The following RANBP2 variants were observed in gnomAD, a reference collection of about 807,000 sequenced individuals.
RANBP2 encodes E3 SUMO-protein ligase RanBP2.
RANBP2 carries 57 observed loss-of-function variants against 303.6 expected under a neutral mutation model. The observed-to-expected ratio is 0.19, with a 90% CI of 0.15 to 0.23. The LOEUF is 0.23. Among genes scored for constraint, RANBP2 ranks in the 10% least tolerant of loss-of-function variants. The probability of loss-of-function intolerance (pLI) is 1.00; values close to 1 mark genes in which losing one functional copy is unlikely to be tolerated. For missense variants in RANBP2, 3,138 were observed against 3,780.8 expected, an observed-to-expected ratio of 0.83 and a Z score of 4.46; for synonymous variants, 1,167 against 1,301.5, an observed-to-expected ratio of 0.90 and a Z score of 2.23.
At position 108,764,263 on chromosome 2, in the gene RANBP2, A is replaced by G. The variant is rs1286820377; in HGVS notation, c.3724A>G (p.Ile1242Val). ...AATGAGACGAGAGCAAGTATTGAAA[A>G]TCTGTGCAAATCATTACATCAGTCC... The part of the protein sequence containing the change: ...LLMRREQVLK[I>V]CANHYISPDM... The change falls in exon 20 of 29, where the codon ATC (isoleucine) becomes GTC (valine). Residue 1242 changes from isoleucine (I) to valine (V), a missense_variant. Physicochemically the swap from Ile to Val is conservative, Grantham distance 29 (BLOSUM62 3). Coordinates refer to ENST00000283195, the MANE Select transcript of RANBP2 (RefSeq NM_006267.5). 6.2e-7 allele frequency: 1 copy of G among 1,614,028 alleles called. No homozygotes were observed. The highest frequency in any genetic ancestry group is 1.6e-4 in the Middle Eastern group (1 of 6,062).
chr2:108,811,320 A>G, the RANBP2 span, among the ~76,000 whole-genome samples: 1 of 138,574 alleles, frequency 7.2e-6, no homozygotes, highest in Admixed American at 8.1e-5. Context: ...GGCTTACTAC[A>G]TGTAGCCTTA....
the RANBP2 span, among the ~76,000 whole-genome samples, chr2:109,726,405 T>G: frequency 1.3e-5 from 2 of 151,392 alleles, no homozygotes; most frequent in Non-Finnish European, 2.9e-5. Flanking sequence ...CCAGATCCTA[T>G]CTCAATAAAA....
chr2:108,817,211 G>A, the RANBP2 span, among the ~76,000 whole-genome samples: 1 of 152,134 alleles, frequency 6.6e-6, no homozygotes, highest in Non-Finnish European at 1.5e-5. Flanking sequence ...GGATTCAGAA[G>A]AGTAGGTCAG....
the RANBP2 span, among the ~76,000 whole-genome samples, chr2:109,581,018 A>G: frequency 6.6e-6 from 1 of 152,236 alleles, no homozygotes; most frequent in Non-Finnish European, 1.5e-5. Flanking sequence ...GTCCCTGGCT[A>G]AAGAATAATA....
At chr2:109,118,649 C>T in the RANBP2 span, among the ~76,000 whole-genome samples, 1 of 152,150 alleles carries the variant, frequency 6.6e-6, no homozygotes, top group African/African-American at 2.4e-5. Flanking sequence ...CTAATGCCCT[C>T]TTGTGAGGAG....
At chr2:108,983,881 T>A in the RANBP2 span, among the ~76,000 whole-genome samples, 1 of 152,092 alleles carries the variant, frequency 6.6e-6, no homozygotes, top group Non-Finnish European at 1.5e-5. Flanking sequence ...CCCCACTCCA[T>A]CTCACACCCG....
the RANBP2 span, among the ~76,000 whole-genome samples, chr2:109,684,327 C>T: frequency 7.8e-4 from 115 of 148,382 alleles, 1 homozygote; most frequent in African/African-American, 2.8e-3. Context: ...CTGCAACCTC[C>T]GCCTCCCAGG....
the RANBP2 span, among the ~76,000 whole-genome samples, chr2:109,069,055 A>G: frequency 1.3e-5 from 2 of 152,214 alleles, no homozygotes; most frequent in Admixed American, 6.5e-5. Flanking sequence ...TGGCCTTTAA[A>G]ATACATTGCA....
In RANBP2 at chr2:108,758,669, G is replaced by C; in HGVS notation, c.2602+121G>C. 2.6e-6 allele frequency: 4 copies of C among 1,527,264 alleles called. No individual in the cohort carries two copies. The East Asian group carries it at 9.0e-5, about 35-fold the overall frequency. 94.6% of individuals were successfully genotyped at this position (1,527,264 alleles called of 1,614,324 possible). The stretch of plus-strand genomic sequence containing the variant: ...TTTGTTAATATACATGTCAACGTCT[G>C]TTTATATGTGACTTCAAAAGCTGTA... On this transcript the variant is annotated intron_variant, in intron 18 of 28. Transcript: ENST00000283195.
the RANBP2 span, among the ~76,000 whole-genome samples, chr2:109,426,018 C>G: frequency 6.6e-6 from 1 of 152,200 alleles, no homozygotes. Flanking sequence ...CTGCCTCAGC[C>G]TTCCCGGTAG....
At chr2:109,286,648 T>C in the RANBP2 span, among the ~76,000 whole-genome samples, 1 of 152,212 alleles carries the variant, frequency 6.6e-6, no homozygotes, top group Admixed American at 6.5e-5. Flanking sequence ...CCAGGAGCTC[T>C]GAAGCAGGAA....
chr2:108,791,425 C>G, the RANBP2 span: 4 of 465,664 alleles, frequency 8.6e-6, no homozygotes, highest in South Asian at 7.0e-5. Flanking sequence ...TAGAATATAC[C>G]ACAGGTAGGT....
chr2:108,763,618 C>T lies in RANBP2; in HGVS notation c.3079C>T (p.Gln1027Ter). 6.2e-7 allele frequency: 1 copy of T among 1,614,162 alleles called. No homozygotes were observed. The highest frequency in any genetic ancestry group is 2.2e-5 in the East Asian group (1 of 44,888). The change falls in exon 20 of 29, where the codon CAG becomes TAG. Residue 1027 changes from glutamine to a stop codon, truncating the protein, a stop_gained. Transcript: ENST00000283195. LOFTEE classifies it high-confidence loss of function. The part of the protein sequence containing the change: ...PSLPTQAHTT[Q>*]PTPFKFNSNF... Reference sequence around the variant, plus strand: ...TTTGCCAACACAAGCACACACAACACAGCCAACTCCTTTTAAATTTAACTC... The same window carrying T: ...TTTGCCAACACAAGCACACACAACATAGCCAACTCCTTTTAAATTTAACTC...
At chr2:109,492,929 GGAGAA>G in the RANBP2 span, among the ~76,000 whole-genome samples, 7 of 152,128 alleles carry the variant, frequency 4.6e-5, no homozygotes, top group South Asian at 1.4e-3. Context: ...ACACCCACAG[GGAGAA>G]GTGCCTTCCC....
chr2:109,070,549 T>G, the RANBP2 span, among the ~76,000 whole-genome samples: 1 of 152,070 alleles, frequency 6.6e-6, no homozygotes, highest in Non-Finnish European at 1.5e-5. Flanking sequence ...GTAGTTCACA[T>G]GAGATCTGCC....
chr2:109,429,088 G>A, the RANBP2 span, among the ~76,000 whole-genome samples: 16 of 152,296 alleles, frequency 1.1e-4, no homozygotes, highest in African/African-American at 3.6e-4. Context: ...AGGGGGCAGC[G>A]GCAGAGACCC....
At chr2:109,444,794 A>G in the RANBP2 span, among the ~76,000 whole-genome samples, 2 of 152,208 alleles carry the variant, frequency 1.3e-5, no homozygotes, top group Admixed American at 6.5e-5. Flanking sequence ...TAAGATTTCA[A>G]AACACAAAAG....
At chr2:109,339,414 C>T in the RANBP2 span, among the ~76,000 whole-genome samples, 1 of 152,174 alleles carries the variant, frequency 6.6e-6, no homozygotes, top group Non-Finnish European at 1.5e-5. Context: ...TCTCTTCCCT[C>T]CTGTCCTCTT....
chr2:109,491,559 A>G, the RANBP2 span, among the ~76,000 whole-genome samples: 1 of 152,156 alleles, frequency 6.6e-6, no homozygotes, highest in South Asian at 2.1e-4. Context: ...GGTTGAGGCA[A>G]CATGGCCCAC....
Sources: gnomAD v4.1 joint callset for allele counts (sites outside exome capture counted in the v4.1 genomes callset) on GRCh38, gnomAD v4.1.1 for gene constraint, MANE v1.5 for transcripts, NCBI Gene and HGNC (gene_info 2026-07-23, HGNC 2026-07-21) for gene names.